Variants in PCDHGA9 observed in about 807,000 individuals in gnomAD.
PCDHGA9 encodes the protein protocadherin gamma subfamily A, 9.
In PCDHGA9, 37 loss-of-function variants were observed where a neutral mutation model predicts 62.5. That is an observed-to-expected ratio of 0.59 (90% CI 0.46 to 0.78). PCDHGA9 has a LOEUF of 0.78. Among genes scored for constraint, PCDHGA9 ranks in the 30% least tolerant of loss-of-function variants. The probability of loss-of-function intolerance (pLI) is 0.00; values close to 1 mark genes in which losing one functional copy is unlikely to be tolerated. For missense variants in PCDHGA9, 1,138 were observed against 1,166.2 expected (o/e 0.98, Z 0.35); for synonymous variants, 459 against 484.6 (o/e 0.95, Z 0.69).
At chr5:141,429,489 A>G (rs2097218567) in intron 1 of PCDHGA9, among the ~76,000 whole-genome samples, 1 of 152,062 alleles carries the variant, frequency 6.6e-6, no homozygotes, top group South Asian at 2.1e-4. Context: ...AGCTGAGACT[A>G]CAGTTGCCTG....
At chr5:141,442,682 T>C (rs1591733469) in intron 1 of PCDHGA9, among the ~76,000 whole-genome samples, 1 of 152,218 alleles carries the variant, frequency 6.6e-6, no homozygotes, top group East Asian at 1.9e-4. Context: ...TGAGGGACAG[T>C]AGTCAGGCAG....
At chr5:141,422,899 G>C (rs759972749) in intron 1 of PCDHGA9, 13 of 1,614,116 alleles carry the variant, frequency 8.1e-6, no homozygotes, top group Middle Eastern at 3.3e-4. Context: ...GGACCAGAAC[G>C]ACAATGCGCC....
intron 1 of PCDHGA9, among the ~76,000 whole-genome samples, chr5:141,481,095 C>T (rs1456056389): frequency 1.3e-5 from 2 of 152,120 alleles, no homozygotes; most frequent in African/African-American, 2.4e-5. Context: ...AAAAGCAGTA[C>T]TCTGGAACCT....
rs767330174 is a variant in PCDHGA9, at chr5:141,491,818, C to T, written c.2425-2989C>T. The T allele has an allele frequency of 1.6e-5, 24 of 1,481,560 alleles. No homozygotes were observed. The highest frequency in any genetic ancestry group is 1.9e-5 in the Non-Finnish European group (21 of 1,116,446). 91.8% of individuals were successfully genotyped at this position (1,481,560 alleles called of 1,614,324 possible). A position where few individuals can be genotyped will look rare whatever the true frequency, so the allele number is the denominator to read the frequency against. On this transcript the variant is annotated intron_variant, in intron 1 of 3. Transcript: ENST00000573521. This position sits in a 1 kb window ranked among gnomAD's most constrained non-coding sequence, Gnocchi z 6.9. ...CTCCGGCCGGCTTGGTCGCTGGCTGCGCTCCACCCGATTCTCGGGATCATT... is the reference window on the plus strand; with the variant it reads ...CTCCGGCCGGCTTGGTCGCTGGCTGTGCTCCACCCGATTCTCGGGATCATT...
chr5:141,491,322 C>T lies in PCDHGA9; in HGVS notation c.2425-3485C>T. 6.2e-7 allele frequency: 1 copy of T among 1,614,156 alleles called. No individual in the cohort carries two copies. Among genetic ancestry groups the T allele is most frequent in the East Asian group, 2.2e-5 (1 of 44,860 alleles). On this transcript the variant is annotated intron_variant, in intron 1 of 3. Coordinates refer to ENST00000573521, the MANE Select transcript of PCDHGA9 (RefSeq NM_018921.3). This position sits in a 1 kb window ranked among gnomAD's most constrained non-coding sequence, Gnocchi z 6.9. ...AGCGTTCAGACCTTACCCTTTACCT[C>T]ATTGTGGCTCTAGCGACCGTCAGTC...
At chr5:141,460,650 T>C (rs1264813071) in intron 1 of PCDHGA9, among the ~76,000 whole-genome samples, 2 of 152,094 alleles carry the variant, frequency 1.3e-5, no homozygotes, top group East Asian at 3.9e-4. Flanking sequence ...TGTTTACACA[T>C]ATGTAACTGT....
intron 1 of PCDHGA9, chr5:141,409,027 TGA>T: frequency 1.9e-6 from 3 of 1,613,978 alleles, no homozygotes; most frequent in Non-Finnish European, 2.5e-6. Context: ...GGGTCAATGC[TGA>T]GATAAACTAC....
rs1386791249 is a variant in PCDHGA9 at position 141,511,417 on chromosome 5, G to A, written c.*244G>A. 1.2e-6 allele frequency: 1 copy of A among 835,942 alleles called. No homozygotes were observed. Among genetic ancestry groups the A allele is most frequent in the African/African-American group, 1.7e-5 (1 of 58,154 alleles). The allele number at this position is 835,942 out of a possible 1,614,324, so 51.8% of individuals were successfully genotyped here. A position where few individuals can be genotyped will look rare whatever the true frequency, so the allele number is the denominator to read the frequency against. The stretch of plus-strand genomic sequence containing the variant: ...CCATCCAATCAACTGCTGTACCCAT[G>A]GGGGTAGTGGGGTTACTGTAGACAC... On this transcript the variant is annotated 3_prime_UTR_variant, in exon 4 of 4. Transcript: ENST00000573521.
chr5:141,408,540 C>G (rs201370009), intron 1 of PCDHGA9: 4 of 1,613,928 alleles, frequency 2.5e-6, no homozygotes, highest in Non-Finnish European at 3.4e-6. Flanking sequence ...GTGGAAAATC[C>G]TTTAAATATT....
chr5:141,460,608 T>A (rs2098993153), intron 1 of PCDHGA9, among the ~76,000 whole-genome samples: 1 of 152,186 alleles, frequency 6.6e-6, no homozygotes, highest in Non-Finnish European at 1.5e-5. Context: ...CTGTGTTAGA[T>A]GGATAGATAG....
At position 141,477,056 on chromosome 5, in the gene PCDHGA9, G is replaced by T; in HGVS notation, c.2425-17751G>T. 6.2e-7 allele frequency: 1 copy of T among 1,614,242 alleles called. No homozygotes were observed. The highest frequency in any genetic ancestry group is 8.5e-7 in the Non-Finnish European group (1 of 1,180,046). Reference sequence around the variant, plus strand: ...AATCAAGGGTCGGCTGGACTTCGAGGACACCAAACTCCATGAGATTTACAT... The same window carrying T: ...AATCAAGGGTCGGCTGGACTTCGAGTACACCAAACTCCATGAGATTTACAT... On this transcript the variant is annotated intron_variant, in intron 1 of 3. Coordinates refer to ENST00000573521, the MANE Select transcript of PCDHGA9 (RefSeq NM_018921.3). This position sits in a 1 kb window ranked among gnomAD's most constrained non-coding sequence, Gnocchi z 4.9.
At chr5:141,495,984 ATC>A (rs2099765081) in intron 2 of PCDHGA9, among the ~76,000 whole-genome samples, 1 of 149,246 alleles carries the variant, frequency 6.7e-6, no homozygotes, top group East Asian at 2.0e-4. Context: ...CTCTTTCTTT[ATC>A]TCTCTTTTTC....
chr5:141,413,435 G>T lies in PCDHGA9; in HGVS notation c.2424+8059G>T, dbSNP rs1018097924. 17 of 1,614,004 alleles carry T rather than the reference G, an allele frequency of 1.1e-5. No homozygotes were observed. The African/African-American group carries it at 2.1e-4, about 20-fold the overall frequency. On this transcript the variant is annotated intron_variant, in intron 1 of 3. Coordinates refer to ENST00000573521, the MANE Select transcript of PCDHGA9 (RefSeq NM_018921.3). Reference sequence around the variant, plus strand: ...TTCTCTCTGAACCCGCGCAGCGGCAGCTTGATCACCGCGGGCAGGATAGAC... The same window carrying T: ...TTCTCTCTGAACCCGCGCAGCGGCATCTTGATCACCGCGGGCAGGATAGAC...
intron 1 of PCDHGA9, chr5:141,409,169 G>A (rs371896881): frequency 3.5e-5 from 56 of 1,613,906 alleles, no homozygotes; most frequent in Non-Finnish European, 4.2e-5. Flanking sequence ...GGAAGCGAAG[G>A]ACGGAGGTGG....
chr5:141,478,095 C>T, intron 1 of PCDHGA9: 5 of 1,614,100 alleles, frequency 3.1e-6, no homozygotes, highest in Non-Finnish European at 4.2e-6. Context: ...TCCACCACTG[C>T]TACCCTCACT....
intron 1 of PCDHGA9, chr5:141,423,956 A>G: frequency 1.7e-6 from 2 of 1,182,724 alleles, no homozygotes; most frequent in Non-Finnish European, 2.1e-6. Flanking sequence ...TTTTAGTATT[A>G]TTTTTCTATT....
At position 141,487,063 on chromosome 5, in the gene PCDHGA9, G is replaced by T; in HGVS notation, c.2425-7744G>T. The T allele has an allele frequency of 6.2e-7, 1 of 1,614,086 alleles. No homozygotes were observed. ...CTCGATATGCTGGGGAGGTGCGGACGGCTGTTCCTATCCCAGCTGACCTCC... is the reference window on the plus strand; with the variant it reads ...CTCGATATGCTGGGGAGGTGCGGACTGCTGTTCCTATCCCAGCTGACCTCC... On this transcript the variant is annotated intron_variant, in intron 1 of 3. Coordinates refer to ENST00000573521, the MANE Select transcript of PCDHGA9 (RefSeq NM_018921.3). The surrounding 1 kb of genome is among the most constrained non-coding windows in gnomAD (Gnocchi z 5.0).
intron 2 of PCDHGA9, among the ~76,000 whole-genome samples, chr5:141,497,213 G>A (rs1313220474): frequency 6.6e-6 from 1 of 152,126 alleles, no homozygotes; most frequent in Non-Finnish European, 1.5e-5. Flanking sequence ...GTGTAATGGG[G>A]GGGGGAAGAT....
intron 1 of PCDHGA9, among the ~76,000 whole-genome samples, chr5:141,482,605 C>T (rs2099569133): frequency 6.7e-6 from 1 of 150,032 alleles, no homozygotes; most frequent in Admixed American, 6.6e-5. Flanking sequence ...GAAAAAACAC[C>T]TAAATGAGCC....
Sources: gnomAD v4.1 joint callset for allele counts (sites outside exome capture counted in the v4.1 genomes callset) on GRCh38, gnomAD v4.1.1 for gene constraint, Gnocchi (gnomAD v3.1) non-coding constraint, MANE v1.5 for transcripts, NCBI Gene and HGNC (gene_info 2026-07-23, HGNC 2026-07-21) for gene names.